ROBO2: variants seen among roughly 807,000 people sequenced by gnomAD.
ROBO2 encodes the protein roundabout guidance receptor 2.
Under a neutral mutation model 160.8 loss-of-function variants are expected in ROBO2, and 53 were observed. The observed-to-expected ratio is 0.33, with a 90% CI of 0.26 to 0.41. The LOEUF (loss-of-function observed/expected upper bound fraction) is 0.41. Ranked by LOEUF, ROBO2 falls within the 10% of genes least tolerant of loss-of-function variation. ROBO2 has a pLI of 1.00. For missense variants in ROBO2, 1,577 were observed against 1,722.4 expected, an observed-to-expected ratio of 0.92 and a Z score of 1.49; for synonymous variants, 664 against 611.7, an observed-to-expected ratio of 1.09 and a Z score of -1.26.
intron 2 of ROBO2, among the ~76,000 whole-genome samples, chr3:77,414,753 G>C (rs1000919353): frequency 6.6e-6 from 1 of 152,186 alleles, no homozygotes; most frequent in South Asian, 2.1e-4. Flanking sequence ...TCACATTAAT[G>C]TTTGGAAAAT....
At chr3:76,406,400 A>G (rs2078126602) in intron 2 of ROBO2, among the ~76,000 whole-genome samples, 1 of 151,882 alleles carries the variant, frequency 6.6e-6, no homozygotes, top group African/African-American at 2.4e-5. Flanking sequence ...TTGTAAACAG[A>G]TGAGAACGGG....
In ROBO2 at chr3:76,526,260, C is replaced by T. The variant is rs114915369; in HGVS notation, c.110-571754C>T. ...TCATAAGACTTACAGTTCTCATGCA[C>T]ATTTCACAAGGCCATACTGAATAAC... On this transcript the variant is annotated intron_variant, in intron 2 of 26. Transcript: ENST00000487694. 7.6e-3 allele frequency among the ~76,000 whole-genome samples: 1,153 copies of T among 152,136 alleles called. 11 individuals carry two copies. The highest frequency in any genetic ancestry group is 0.024 in the African/African-American group (987 of 41,534).
chr3:76,760,554 G>C (rs2061246197), intron 2 of ROBO2, among the ~76,000 whole-genome samples: 1 of 151,692 alleles, frequency 6.6e-6, no homozygotes, highest in South Asian at 2.1e-4. Context: ...GCTGAAGGTA[G>C]AGAGATCCCC....
chr3:76,427,805 C>CT (rs151134052), intron 2 of ROBO2, among the ~76,000 whole-genome samples: 1 of 152,042 alleles, frequency 6.6e-6, no homozygotes, highest in Non-Finnish European at 1.5e-5. Context: ...GAGAAGGCTT[C>CT]TTTTTCAGAT....
chr3:77,620,712 G>T (rs1340208002), intron 22 of ROBO2, among the ~76,000 whole-genome samples: 2 of 152,118 alleles, frequency 1.3e-5, no homozygotes, highest in Non-Finnish European at 2.9e-5. Context: ...TAACATTGAG[G>T]TTGGTTACAA....
chr3:77,609,602 G>C (rs960345647), intron 21 of ROBO2, among the ~76,000 whole-genome samples: 2 of 151,588 alleles, frequency 1.3e-5, no homozygotes, highest in African/African-American at 4.8e-5. Flanking sequence ...GTAACCCCCT[G>C]CAATAAAACC....
intron 19 of ROBO2, 96 bp downstream of exon 20, chr3:77,596,846 GTATT>G (rs2094316814): frequency 7.3e-7 from 1 of 1,372,926 alleles, no homozygotes; most frequent in Admixed American, 1.8e-5. Flanking sequence ...ATATCAGAGA[GTATT>G]TACTCCCATA....
rs145495742 is a variant in ROBO2 at position 77,422,006 on chromosome 3, G to A, written c.389-55408G>A. On this transcript the variant is annotated intron_variant, in intron 2 of 25. Transcript: ENST00000461745. ...TTAGAAATAATATCATGAAAAATTA[G>A]ATTCATGTGCTGATTTGTATTCTTG... Among the ~76,000 whole-genome samples, 408 of 152,208 alleles carry A rather than the reference G, an allele frequency of 2.7e-3. 1 individual carries two copies. The highest frequency in any genetic ancestry group is 8.6e-3 in the African/African-American group (359 of 41,526).
rs1212135894 is a variant in ROBO2 at position 76,110,683 on chromosome 3, CTT to C, written c.109+173083_109+173084del. Among the ~76,000 whole-genome samples the C allele has an allele frequency of 2.0e-5, 3 of 151,864 alleles. No individual in the cohort carries two copies. In the South Asian group the frequency reaches 6.2e-4, roughly 32 times the overall value. On this transcript the variant is annotated intron_variant, in intron 2 of 26. Transcript: ENST00000487694. ...AGTGTGGGATTAGGGTAAAGAAAAACTTTGAAAATATAGATGGAAAAGGCATT... is the reference window on the plus strand; with the variant it reads ...AGTGTGGGATTAGGGTAAAGAAAAACTGAAAATATAGATGGAAAAGGCATT...
At chr3:76,882,108 G>GTGTGTT (rs954284375) in intron 2 of ROBO2, among the ~76,000 whole-genome samples, 6 of 134,592 alleles carry the variant, frequency 4.5e-5, no homozygotes, top group African/African-American at 1.5e-4. Flanking sequence ...GTGTGTGTGT[G>GTGTGTT]TGTGTCTGTG....
intron 19 of ROBO2, among the ~76,000 whole-genome samples, chr3:77,602,000 G>C (rs1355319974): frequency 2.0e-5 from 3 of 152,212 alleles, no homozygotes; most frequent in Non-Finnish European, 4.4e-5. Context: ...TAAGCAGTGA[G>C]ACGTGAAGGG....
At chr3:76,942,197 C>A (rs545254997) in intron 2 of ROBO2, among the ~76,000 whole-genome samples, 2 of 152,230 alleles carry the variant, frequency 1.3e-5, no homozygotes, top group African/African-American at 4.8e-5. Flanking sequence ...CTTTAAACTT[C>A]CTCCTGTTGA....
intron 2 of ROBO2, among the ~76,000 whole-genome samples, chr3:77,337,401 G>T (rs761583158): frequency 6.6e-6 from 1 of 152,006 alleles, no homozygotes; most frequent in Non-Finnish European, 1.5e-5. Context: ...TCTGTTCATG[G>T]TTATGACCAA....
chr3:76,891,058 A>G (rs1559659854), intron 2 of ROBO2, among the ~76,000 whole-genome samples: 2 of 152,178 alleles, frequency 1.3e-5, no homozygotes, highest in African/African-American at 2.4e-5. Flanking sequence ...TTCAGCTTCA[A>G]AATCTCATGA....
intron 2 of ROBO2, among the ~76,000 whole-genome samples, chr3:76,898,582 A>G (rs1471466050): frequency 6.6e-6 from 1 of 152,140 alleles, no homozygotes; most frequent in Non-Finnish European, 1.5e-5. Context: ...CTCACATTGT[A>G]ATTTTACAAA....
intron 2 of ROBO2, among the ~76,000 whole-genome samples, chr3:77,239,960 A>G (rs1215128471): frequency 6.6e-6 from 1 of 152,034 alleles, no homozygotes; most frequent in African/African-American, 2.4e-5. Context: ...ATTGGTGCAT[A>G]TACAATCCTC....
At chr3:76,415,888 T>G (rs1003185385) in intron 2 of ROBO2, among the ~76,000 whole-genome samples, 10 of 152,184 alleles carry the variant, frequency 6.6e-5, no homozygotes, top group African/African-American at 2.2e-4. Context: ...AAATTGGAAC[T>G]TTCCAGATCA....
At chr3:77,105,649 A>G (rs1431024082) in intron 2 of ROBO2, among the ~76,000 whole-genome samples, 1 of 152,164 alleles carries the variant, frequency 6.6e-6, no homozygotes, top group Non-Finnish European at 1.5e-5. Context: ...TTAAGTATGT[A>G]TAATGCTGTA....
intron 2 of ROBO2, among the ~76,000 whole-genome samples, chr3:77,247,553 CAA>C (rs1406531441): frequency 1.3e-5 from 2 of 152,204 alleles, no homozygotes. Context: ...TATTCTCTCA[CAA>C]ATACAGTGGC....
Sources: allele counts gnomAD v4.1 joint callset (sites outside exome capture counted in the v4.1 genomes callset), GRCh38; gene constraint gnomAD v4.1.1; transcripts MANE v1.5; gene names NCBI Gene and HGNC (gene_info 2026-07-23, HGNC 2026-07-21).